CPT1A: variants seen among roughly 807,000 people sequenced by gnomAD.
CPT1A encodes the protein carnitine palmitoyltransferase 1A.
CPT1A carries 64 observed loss-of-function variants against 100.8 expected under a neutral mutation model. That is an observed-to-expected ratio of 0.63 (90% confidence interval 0.52 to 0.78). The LOEUF is 0.78. Among genes scored for constraint, CPT1A ranks in the 30% least tolerant of loss-of-function variants. The pLI is 0.00. For missense variants in CPT1A, 802 were observed against 1,034.1 expected (o/e 0.78, Z 3.08); for synonymous variants, 363 against 396.0 (o/e 0.92, Z 0.99).
intron 1 of CPT1A, among the ~76,000 whole-genome samples, chr11:68,838,737 C>A (rs966761702): frequency 6.6e-6 from 1 of 152,118 alleles, no homozygotes; most frequent in Non-Finnish European, 1.5e-5. Flanking sequence ...CCAGGCCCTA[C>A]TAATTGTTTG....
chr11:68,822,964 T>C (rs958916575), intron 1 of CPT1A, among the ~76,000 whole-genome samples: 9 of 152,080 alleles, frequency 5.9e-5, no homozygotes, highest in Non-Finnish European at 1.2e-4. Context: ...GGTAAGGAGT[T>C]GGGGGTATCT....
At chr11:68,769,316 A>C (rs1328159599) in intron 14 of CPT1A, among the ~76,000 whole-genome samples, 1 of 152,114 alleles carries the variant, frequency 6.6e-6, no homozygotes, top group African/African-American at 2.4e-5. Flanking sequence ...GGCTCACTGC[A>C]GCCTCCACCT....
chr11:68,764,342 T>C (rs1317962554), intron 14 of CPT1A, among the ~76,000 whole-genome samples: 1 of 152,200 alleles, frequency 6.6e-6, no homozygotes, highest in Admixed American at 6.5e-5. Context: ...GTGTGCACCC[T>C]GGCACAGGCC....
chr11:68,761,426 T>C, intron 16 of CPT1A, 109 bp downstream of exon 16: 4 of 1,319,700 alleles, frequency 3.0e-6, no homozygotes, highest in Non-Finnish European at 3.3e-6. Flanking sequence ...CAGACCCGTT[T>C]TTTTCAAATG....
chr11:68,833,313 G>A (rs896534285), intron 1 of CPT1A, among the ~76,000 whole-genome samples: 2 of 152,242 alleles, frequency 1.3e-5, no homozygotes, highest in Non-Finnish European at 2.9e-5. Flanking sequence ...TGGGAAGGAA[G>A]AAAAGCAGCA....
chr11:68,824,404 A>G (rs12361365), intron 1 of CPT1A, among the ~76,000 whole-genome samples: 32,329 of 152,022 alleles, frequency 0.21, 3,750 homozygotes, highest in African/African-American at 0.32. Context: ...GTACACCAGA[A>G]ACCCAACCCC....
chr11:68,779,168 T>C (rs1427312885), intron 12 of CPT1A, among the ~76,000 whole-genome samples: 2 of 152,182 alleles, frequency 1.3e-5, no homozygotes, highest in Non-Finnish European at 2.9e-5. Context: ...AGCTGGGCCC[T>C]GTCTCCCACA....
intron 16 of CPT1A, among the ~76,000 whole-genome samples, chr11:68,760,945 C>T (rs1477283202): frequency 3.3e-5 from 5 of 151,848 alleles, no homozygotes; most frequent in African/African-American, 9.7e-5. Flanking sequence ...AGCTTGAACC[C>T]GGGAGGCGGA....
chr11:68,769,227 ATTTTAT>A (rs973697720), intron 14 of CPT1A, among the ~76,000 whole-genome samples: 4 of 152,200 alleles, frequency 2.6e-5, no homozygotes, highest in South Asian at 4.2e-4. Context: ...GGACTGCAGC[ATTTTAT>A]TTTTATTAAA....
chr11:68,787,933 A>T (rs1413944076), intron 9 of CPT1A, among the ~76,000 whole-genome samples: 1 of 143,724 alleles, frequency 7.0e-6, no homozygotes, highest in East Asian at 2.0e-4. Flanking sequence ...ACAGAATGAG[A>T]CTCAGTCTCA....
At chr11:68,843,582 A>T (rs1857198831), upstream of CPT1A, among the ~76,000 whole-genome samples, 1 of 151,970 alleles carries the variant, frequency 6.6e-6, no homozygotes, top group Non-Finnish European at 1.5e-5. This position sits in a 1 kb window ranked among gnomAD's most constrained non-coding sequence, Gnocchi z 4.0. Flanking sequence ...ATTATGGATT[A>T]TTTTAATCTT....
intron 3 of CPT1A, 64 bp from the exon 4 acceptor site, chr11:68,807,702 C>A: frequency 6.5e-7 from 1 of 1,530,230 alleles, no homozygotes; most frequent in South Asian, 1.1e-5. Context: ...CCAACACCAC[C>A]GGTGACGCCA....
chr11:68,811,900 G>T (rs915665045), intron 3 of CPT1A, among the ~76,000 whole-genome samples: 2 of 152,056 alleles, frequency 1.3e-5, no homozygotes, highest in Non-Finnish European at 2.9e-5. Flanking sequence ...TCTCTTGGTA[G>T]CAAGAAATAA....
intron 16 of CPT1A, among the ~76,000 whole-genome samples, chr11:68,761,156 C>T (rs11228342): frequency 0.075 from 11,345 of 151,338 alleles, 931 homozygotes; most frequent in African/African-American, 0.21. Flanking sequence ...CCAGCCTGGG[C>T]AACACTGTAA....
chr11:68,808,391 G>C (rs1255973770), intron 3 of CPT1A, among the ~76,000 whole-genome samples: 1 of 148,220 alleles, frequency 6.7e-6, no homozygotes, highest in East Asian at 2.0e-4. Flanking sequence ...TTTTTTTCGA[G>C]ACAAGAGTCT....
upstream of CPT1A, among the ~76,000 whole-genome samples, chr11:68,843,799 C>T (rs1254613708): frequency 6.6e-6 from 1 of 152,262 alleles, no homozygotes; most frequent in Non-Finnish European, 1.5e-5. This position sits in a 1 kb window ranked among gnomAD's most constrained non-coding sequence, Gnocchi z 4.0. Flanking sequence ...TGACGCGCGG[C>T]TGCACCCCAC....
intron 1 of CPT1A, among the ~76,000 whole-genome samples, chr11:68,818,081 A>G (rs1242943031): frequency 6.6e-6 from 1 of 151,998 alleles, no homozygotes; most frequent in Admixed American, 6.6e-5. Context: ...TGGAGTATGG[A>G]TGGGGATGGG....
chr11:68,767,080 C>G (rs1854829215), intron 14 of CPT1A, among the ~76,000 whole-genome samples: 1 of 152,208 alleles, frequency 6.6e-6, no homozygotes, highest in African/African-American at 2.4e-5. Context: ...AACACTGAGA[C>G]TTCACGTAAT....
chr11:68,801,173 G>A (rs1462457689), intron 5 of CPT1A, among the ~76,000 whole-genome samples: 2 of 152,184 alleles, frequency 1.3e-5, no homozygotes, highest in Non-Finnish European at 2.9e-5. Context: ...AAATGCCCGT[G>A]AATGAGACAG....
Sources: gnomAD v4.1 joint callset for allele counts (sites outside exome capture counted in the v4.1 genomes callset) on GRCh38, gnomAD v4.1.1 for gene constraint, Gnocchi (gnomAD v3.1) non-coding constraint, MANE v1.5 for transcripts, NCBI Gene and HGNC (gene_info 2026-07-23, HGNC 2026-07-21) for gene names.